CFAP46: variants seen among roughly 807,000 people sequenced by gnomAD.
CFAP46 encodes the protein cilia- and flagella-associated protein 46.
A neutral mutation model predicts 325.7 loss-of-function variants in CFAP46; 245 were observed. The observed-to-expected ratio is 0.75, with a 90% CI of 0.68 to 0.84. The LOEUF is 0.84. Ranked by LOEUF, CFAP46 falls within the 40% of genes least tolerant of loss-of-function variation. The probability of loss-of-function intolerance (pLI) is 0.00; values close to 1 mark genes in which losing one functional copy is unlikely to be tolerated. For missense variants in CFAP46, 3,346 were observed against 3,543.0 expected (o/e 0.94, Z 1.41); for synonymous variants, 1,523 against 1,495.9 (o/e 1.02, Z -0.42).
intron 39 of CFAP46, among the ~76,000 whole-genome samples, chr10:132,855,098 CTATT>C (rs1848621415): frequency 6.6e-6 from 1 of 152,182 alleles, no homozygotes; most frequent in African/African-American, 2.4e-5. Context: ...GCTACTTACT[CTATT>C]AACACTGAGA....
chr10:132,861,974 C>T (rs962895505), intron 35 of CFAP46, among the ~76,000 whole-genome samples: 1 of 152,214 alleles, frequency 6.6e-6, no homozygotes, highest in East Asian at 1.9e-4. Flanking sequence ...GGAGGGGCCC[C>T]AGCCACTAGG....
At chr10:132,840,076 C>T (rs1564773638) in intron 44 of CFAP46, among the ~76,000 whole-genome samples, 2 of 152,206 alleles carry the variant, frequency 1.3e-5, no homozygotes, top group African/African-American at 2.4e-5. Context: ...GAAGAATTTA[C>T]TGGTGAAGCC....
At chr10:132,823,876 ATGTGCGCTGTC>A (rs1476299617) in intron 50 of CFAP46, among the ~76,000 whole-genome samples, 3 of 124,112 alleles carry the variant, frequency 2.4e-5, no homozygotes, top group African/African-American at 9.7e-5. Context: ...CTGTGCGCTG[ATGTGCGCTGTC>A]TGTGCGCTGT....
chr10:132,930,452 CA>C, intron 8 of CFAP46, among the ~76,000 whole-genome samples: 1 of 146,370 alleles, frequency 6.8e-6, no homozygotes, highest in Non-Finnish European at 1.5e-5. Flanking sequence ...GACTTCCCCA[CA>C]CTCTCCACAC....
chr10:132,827,701 C>T lies in CFAP46; in HGVS notation c.7117+5657G>A, dbSNP rs141895382. ...TCGCCACAGCGAAGGTCACGGCACA[C>T]CCAGCCCCAGGAGCTTCCCCAAAAT... On this transcript the variant is annotated intron_variant, in intron 50 of 57. Coordinates refer to ENST00000368586, the MANE Select transcript of CFAP46 (RefSeq NM_001200049.3). The surrounding 1 kb of genome is among the most constrained non-coding windows in gnomAD (Gnocchi z 5.7). Among the ~76,000 whole-genome samples the T allele has an allele frequency of 5.9e-4, 90 of 152,192 alleles. No individual in the cohort carries two copies. In the East Asian group the frequency reaches 0.015, roughly 25 times the overall value.
intron 39 of CFAP46, among the ~76,000 whole-genome samples, chr10:132,856,572 T>C (rs957411189): frequency 3.3e-5 from 5 of 152,366 alleles, no homozygotes; most frequent in African/African-American, 1.2e-4. Flanking sequence ...CAATGTTTTC[T>C]CCTGCCATCA....
At chr10:132,924,956 G>C (rs528315735) in intron 10 of CFAP46, 70 bp from the exon 11 acceptor site, 2 of 1,269,694 alleles carry the variant, frequency 1.6e-6, no homozygotes, top group South Asian at 2.0e-5. Context: ...CGGCACCTGC[G>C]TGCAGGGCAC....
chr10:132,936,042 C>CCCG, intron 7 of CFAP46, among the ~76,000 whole-genome samples: 1 of 50,212 alleles, frequency 2.0e-5, no homozygotes, highest in African/African-American at 9.9e-5. Context: ...CCTCACTCCC[C>CCCG]TCACATCCAA....
intron 50 of CFAP46, among the ~76,000 whole-genome samples, chr10:132,815,903 G>A (rs1471635950): frequency 6.6e-6 from 1 of 152,212 alleles, no homozygotes; most frequent in African/African-American, 2.4e-5. Flanking sequence ...GGGAAGGATG[G>A]GAGGAGCTGT....
chr10:132,867,159 C>T (rs1018108561), intron 34 of CFAP46, among the ~76,000 whole-genome samples: 10 of 149,042 alleles, frequency 6.7e-5, no homozygotes, highest in South Asian at 4.5e-4. Flanking sequence ...ACACACAGGC[C>T]GGCCCCTCAC....
intron 22 of CFAP46, among the ~76,000 whole-genome samples, chr10:132,907,883 A>C (rs1048039405): frequency 6.6e-6 from 1 of 152,186 alleles, no homozygotes; most frequent in Non-Finnish European, 1.5e-5. Flanking sequence ...TGAGACAGGA[A>C]GGGGCCCTCG....
At chr10:132,844,938 C>T (rs111607025) in intron 44 of CFAP46, among the ~76,000 whole-genome samples, 1,930 of 152,232 alleles carry the variant, frequency 0.013, 24 homozygotes, top group Non-Finnish European at 0.021. Context: ...ACTGCAGCCT[C>T]GAACTCCTGG....
At chr10:132,820,032 T>C (rs1304710980) in intron 50 of CFAP46, among the ~76,000 whole-genome samples, 1 of 152,176 alleles carries the variant, frequency 6.6e-6, no homozygotes, top group East Asian at 1.9e-4. Flanking sequence ...ACTCCTATAA[T>C]ACAATAGTAA....
At chr10:132,893,149 C>T (rs569232284) in intron 24 of CFAP46, among the ~76,000 whole-genome samples, 3 of 152,324 alleles carry the variant, frequency 2.0e-5, no homozygotes, top group African/African-American at 4.8e-5. Flanking sequence ...CTAGGAACAC[C>T]GTGACTGGTA....
chr10:132,942,055 T>C lies in CFAP46; in HGVS notation c.99A>G (p.Leu33=). Residue 33 remains leucine, a synonymous_variant, in exon 2 of 58, where the codon CTA becomes CTG. Coordinates refer to ENST00000368586, the MANE Select transcript of CFAP46 (RefSeq NM_001200049.3). ...KAYELIKSAN[L]GKSEFDPSES... ...CTGAGGGGTCAAACTCCGATTTCCC[T>C]AGGTTGGCCGATTTGATCAACTCGT... is the stretch of plus-strand genomic sequence containing the variant. The C allele has an allele frequency of 1.3e-6, 2 of 1,551,732 alleles. No individual in the cohort carries two copies. The highest frequency in any genetic ancestry group is 1.7e-6 in the Non-Finnish European group (2 of 1,147,000).
chr10:132,850,660 C>T (rs564042943), intron 40 of CFAP46, among the ~76,000 whole-genome samples: 13 of 152,272 alleles, frequency 8.5e-5, no homozygotes, highest in South Asian at 2.1e-4. Context: ...GTTTTAGGCC[C>T]GTCTTTGGTC....
chr10:132,932,331 GC>G (rs1477065886), intron 8 of CFAP46, among the ~76,000 whole-genome samples: 1 of 135,552 alleles, frequency 7.4e-6, no homozygotes, highest in African/African-American at 2.9e-5. Flanking sequence ...CAGAGCCTGG[GC>G]CTCCCCACAT....
intron 27 of CFAP46, among the ~76,000 whole-genome samples, chr10:132,881,761 GCA>G (rs1849046726): frequency 1.3e-5 from 2 of 152,272 alleles, no homozygotes; most frequent in East Asian, 3.8e-4. Flanking sequence ...GGTGGACCTC[GCA>G]CTGGCACCAC....
At position 132,938,035 on chromosome 10, in the gene CFAP46, G is replaced by A. The variant is rs111463137; in HGVS notation, c.537-360C>T. 2.8e-3 allele frequency among the ~76,000 whole-genome samples: 424 copies of A among 152,314 alleles called. 2 individuals carry two copies. The highest frequency in any genetic ancestry group is 9.3e-3 in the African/African-American group (386 of 41,572). On this transcript the variant is annotated intron_variant, in intron 5 of 57. Coordinates refer to ENST00000368586, the MANE Select transcript of CFAP46 (RefSeq NM_001200049.3). ...GAATCCTCAATGGGGACATCCACCC[G>A]TCCCCAGCCTGCACAGAGAGTGCCG...
Sources: allele counts gnomAD v4.1 joint callset (sites outside exome capture counted in the v4.1 genomes callset), GRCh38; gene constraint gnomAD v4.1.1; non-coding constraint Gnocchi (gnomAD v3.1); transcripts MANE v1.5; gene names NCBI Gene and HGNC (gene_info 2026-07-23, HGNC 2026-07-21).